The following RAB27B variants were observed in gnomAD, a reference collection of about 807,000 sequenced individuals.
RAB27B encodes the protein ras-related protein Rab-27B.
In RAB27B, 15 loss-of-function variants were observed where a neutral mutation model predicts 24.6. That is an observed-to-expected ratio of 0.61 (90% CI 0.41 to 0.94). RAB27B has a LOEUF of 0.94. Ranked by LOEUF, RAB27B falls within the 40% of genes least tolerant of loss-of-function variation. The pLI is 0.00. For synonymous variants in RAB27B, 105 were observed against 92.5 expected (o/e 1.14, Z -0.78); for missense variants, 261 against 266.8 (o/e 0.98, Z 0.15).
chr18:54,810,775 G>A (rs977534300), intron 2 of RAB27B, among the ~76,000 whole-genome samples: 2 of 151,792 alleles, frequency 1.3e-5, no homozygotes, highest in African/African-American at 4.8e-5. Context: ...AGAGGTTGCA[G>A]TGAGCCGAGA....
chr18:54,822,561 A>G (rs1340489363), intron 2 of RAB27B, among the ~76,000 whole-genome samples: 2 of 152,236 alleles, frequency 1.3e-5, no homozygotes, highest in Non-Finnish European at 2.9e-5. Context: ...GGATTTGCAT[A>G]TGACTATACT....
intron 1 of RAB27B, among the ~76,000 whole-genome samples, chr18:54,855,751 A>G (rs1911760410): frequency 6.6e-6 from 1 of 152,194 alleles, no homozygotes; most frequent in African/African-American, 2.4e-5. Context: ...AGGGTCCCTT[A>G]ATTCTATAGC....
intron 2 of RAB27B, among the ~76,000 whole-genome samples, chr18:54,733,713 C>T (rs1940069359): frequency 7.2e-6 from 1 of 139,230 alleles, no homozygotes; most frequent in Admixed American, 7.8e-5. Context: ...TTCCTATTCC[C>T]TGTCCTAGGA....
At chr18:54,872,639 A>AAC in intron 1 of RAB27B, among the ~76,000 whole-genome samples, 1 of 150,790 alleles carries the variant, frequency 6.6e-6, no homozygotes, top group South Asian at 2.1e-4. Flanking sequence ...AAAAAAAAAA[A>AAC]AGAAAAAAGA....
At chr18:54,733,659 C>CCCG (rs1909798947) in intron 2 of RAB27B, among the ~76,000 whole-genome samples, 1 of 138,210 alleles carries the variant, frequency 7.2e-6, no homozygotes. Context: ...AGCCCCCCCC[C>CCCG]CCCAAATTTG....
intron 2 of RAB27B, among the ~76,000 whole-genome samples, chr18:54,821,441 C>T (rs62091461): frequency 0.2 from 30,617 of 152,004 alleles, 3,644 homozygotes; most frequent in East Asian, 0.39. Context: ...GAATCAATAT[C>T]GTGAAAATGG....
chr18:54,811,220 G>A (rs982458941), intron 2 of RAB27B, among the ~76,000 whole-genome samples: 1 of 152,104 alleles, frequency 6.6e-6, no homozygotes, highest in Non-Finnish European at 1.5e-5. Flanking sequence ...ATCTGAGATA[G>A]GTCTCAATCA....
chr18:54,873,457 G>A (rs1912558298), intron 1 of RAB27B, among the ~76,000 whole-genome samples: 1 of 152,102 alleles, frequency 6.6e-6, no homozygotes, highest in Non-Finnish European at 1.5e-5. Context: ...CCAAGAACCA[G>A]CAAGACCATC....
At chr18:54,854,726 A>C (rs1169478595) in intron 1 of RAB27B, among the ~76,000 whole-genome samples, 1 of 152,206 alleles carries the variant, frequency 6.6e-6, no homozygotes, top group Non-Finnish European at 1.5e-5. Context: ...TCAAGTCCAA[A>C]TAAAATTAAT....
chr18:54,740,953 T>G (rs1796802166), intron 2 of RAB27B, among the ~76,000 whole-genome samples: 1 of 152,150 alleles, frequency 6.6e-6, no homozygotes, highest in Non-Finnish European at 1.5e-5. Flanking sequence ...AGACTAAAAC[T>G]TGGTCTTTAT....
rs145052481 is a variant in RAB27B, at chr18:54,770,502, C to T, written c.-20+52361C>T. ...ATCTAGTTGCAGAACAAGCTGAGGG[C>T]TCCTACTGATTCTACATTATGGTGA... On this transcript the variant is annotated intron_variant, in intron 2 of 4. Coordinates refer to the RAB27B transcript ENST00000586570. Among the ~76,000 whole-genome samples the T allele has an allele frequency of 4.0e-3, 603 of 152,056 alleles. 9 individuals carry two copies. Among genetic ancestry groups the T allele is most frequent in the African/African-American group, 0.014 (566 of 41,456 alleles).
chr18:54,867,446 T>TCTTTC (rs1555666341), intron 1 of RAB27B, among the ~76,000 whole-genome samples: 9 of 88,310 alleles, frequency 1.0e-4, no homozygotes, highest in Admixed American at 2.4e-4. Context: ...TCTTTTCTTT[T>TCTTTC]TTTTTTTTTT....
intron 2 of RAB27B, among the ~76,000 whole-genome samples, chr18:54,755,887 A>G (rs149993781): frequency 1.1e-3 from 173 of 152,332 alleles, no homozygotes; most frequent in African/African-American, 4.0e-3. Flanking sequence ...TGAATATTAC[A>G]TAGAAAGCAA....
chr18:54,729,363 A>G (rs534283661), intron 2 of RAB27B, among the ~76,000 whole-genome samples: 3 of 152,280 alleles, frequency 2.0e-5, no homozygotes, highest in Non-Finnish European at 4.4e-5. Context: ...AGCTTTCCTG[A>G]AAAAGGCCGG....
intron 2 of RAB27B, among the ~76,000 whole-genome samples, chr18:54,815,938 TA>T (rs1225731989): frequency 6.6e-6 from 1 of 152,206 alleles, no homozygotes; most frequent in African/African-American, 2.4e-5. Flanking sequence ...TTATTATTAA[TA>T]AATTACCAGC....
intron 2 of RAB27B, among the ~76,000 whole-genome samples, chr18:54,788,302 T>G (rs746289853): frequency 1.3e-5 from 2 of 152,180 alleles, no homozygotes; most frequent in African/African-American, 2.4e-5. Flanking sequence ...TTGTTGTTGT[T>G]GTTGTGGTTG....
intron 2 of RAB27B, among the ~76,000 whole-genome samples, chr18:54,809,099 C>T (rs1215705792): frequency 6.6e-6 from 1 of 152,128 alleles, no homozygotes; most frequent in Non-Finnish European, 1.5e-5. Context: ...AGCATTTTTC[C>T]AGTTTCTAGT....
chr18:54,780,407 T>A (rs1166398702), intron 2 of RAB27B, among the ~76,000 whole-genome samples: 10 of 113,930 alleles, frequency 8.8e-5, no homozygotes, highest in Non-Finnish European at 8.9e-5. Flanking sequence ...TCACCCTGTC[T>A]CCCCTCTCCT....
chr18:54,865,819 A>G (rs1476951359), intron 1 of RAB27B, among the ~76,000 whole-genome samples: 2 of 152,258 alleles, frequency 1.3e-5, no homozygotes, highest in Admixed American at 1.3e-4. Context: ...ACTATAGGCC[A>G]GTTCACTGAA....
Sources: gnomAD v4.1 joint callset for allele counts (sites outside exome capture counted in the v4.1 genomes callset) on GRCh38, gnomAD v4.1.1 for gene constraint, MANE v1.5 for transcripts, NCBI Gene and HGNC (gene_info 2026-07-23, HGNC 2026-07-21) for gene names.